Variants in CARS2 observed in about 807,000 individuals in gnomAD.
CARS2 encodes cysteinyl-tRNA synthetase 2, mitochondrial, also known as probable cysteine--tRNA ligase, mitochondrial.
A neutral mutation model predicts 68.8 loss-of-function variants in CARS2; 52 were observed. The ratio of observed to expected loss-of-function variants is 0.76; its 90% CI spans 0.61 to 0.95. CARS2 has a LOEUF of 0.95. Ranked by LOEUF, CARS2 falls within the 40% of genes least tolerant of loss-of-function variation. The pLI, the probability that CARS2 is intolerant of heterozygous loss-of-function variation, is 0.00. For synonymous variants in CARS2, 314 were observed against 303.6 expected (o/e 1.03, Z -0.36); for missense variants, 780 against 754.2 (o/e 1.03, Z -0.40).
rs546852994 is a variant in CARS2 at position 110,653,588 on chromosome 13, C to T, written c.988-2488G>A. Among the ~76,000 whole-genome samples the T allele has an allele frequency of 3.6e-4, 55 of 152,306 alleles. 1 individual carries two copies. In the Middle Eastern group the frequency reaches 0.024, roughly 66 times the overall value. ...AGGGGTTTTCCTCTCAGAATGTAAA[C>T]GCATGCAGAATTAGCCTCAATGTGT... On this transcript the variant is annotated intron_variant, in intron 9 of 14. Transcript: ENST00000257347. The surrounding 1 kb of genome is among the most constrained non-coding windows in gnomAD (Gnocchi z 5.6).
chr13:110,648,202 T>C (rs918578028), intron 10 of CARS2: 1 of 152,182 alleles, frequency 6.6e-6, no homozygotes, highest in Non-Finnish European at 1.5e-5. Flanking sequence ...TTGCTTTGAA[T>C]AGCTTGATAG....
intron 8 of CARS2, chr13:110,664,902 G>A (rs944486872): frequency 2.9e-6 from 2 of 700,554 alleles, no homozygotes; most frequent in African/African-American, 3.9e-5. Flanking sequence ...GCTGACGCAG[G>A]ACTCCCAGCC....
upstream of CARS2, among the ~76,000 whole-genome samples, chr13:110,710,214 T>C (rs2064015603): frequency 6.6e-6 from 1 of 152,174 alleles, no homozygotes; most frequent in Non-Finnish European, 1.5e-5. Context: ...AAACTCCGTC[T>C]CTACTAAAAA....
At chr13:110,642,748 T>C (rs1443682416) in intron 13 of CARS2, 2 of 749,230 alleles carry the variant, frequency 2.7e-6, no homozygotes, top group East Asian at 2.5e-5. Context: ...CAAGCAAGGC[T>C]GAGTGATCCT....
At chr13:110,706,798 AC>A (rs2063970390), upstream of CARS2, among the ~76,000 whole-genome samples, 1 of 146,312 alleles carries the variant, frequency 6.8e-6, no homozygotes, top group African/African-American at 2.6e-5. Flanking sequence ...TACAGTGTGC[AC>A]CCCAATACAG....
In CARS2 at chr13:110,670,224, G is replaced by T. The variant is rs543282652; in HGVS notation, c.786-2751C>A. Among the ~76,000 whole-genome samples the T allele has an allele frequency of 3.3e-5, 5 of 152,162 alleles. No individual in the cohort carries two copies. Among genetic ancestry groups the T allele is most frequent in the African/African-American group, 1.2e-4 (5 of 41,444 alleles). ...TGAAGAGTAGTGGTTCTCCCAGCAC[G>T]GAGTTTGAGATCTGAGAACGGACAG... On this transcript the variant is annotated intron_variant, in intron 7 of 14. Coordinates refer to ENST00000257347, the MANE Select transcript of CARS2 (RefSeq NM_024537.4). This position sits in a 1 kb window ranked among gnomAD's most constrained non-coding sequence, Gnocchi z 4.1.
rs1234661703 is a variant in CARS2, at chr13:110,676,555, C to T, written c.785+419G>A. Among the ~76,000 whole-genome samples the T allele has an allele frequency of 6.6e-6, 1 of 152,066 alleles. No individual in the cohort carries two copies. The highest frequency in any genetic ancestry group is 2.4e-5 in the African/African-American group (1 of 41,410). On this transcript the variant is annotated intron_variant, in intron 7 of 14. Coordinates refer to ENST00000257347, the MANE Select transcript of CARS2 (RefSeq NM_024537.4). This position sits in a 1 kb window ranked among gnomAD's most constrained non-coding sequence, Gnocchi z 4.0. ...TGGGAGGAGCTGGAGATTTCCGCCA[C>T]AGAGCACCCTGGCATGCGAGTTGCC...
upstream of CARS2, among the ~76,000 whole-genome samples, chr13:110,707,030 CA>C (rs1222869480): frequency 6.6e-6 from 1 of 151,506 alleles, no homozygotes; most frequent in Admixed American, 6.6e-5. Context: ...CACCCCAGTA[CA>C]GTGTACACCC....
At chr13:110,689,803 C>A (rs919523096) in intron 3 of CARS2, among the ~76,000 whole-genome samples, 1 of 152,160 alleles carries the variant, frequency 6.6e-6, no homozygotes, top group Admixed American at 6.5e-5. Context: ...CAGACCTTTA[C>A]AACAATAAAT....
intron 10 of CARS2, among the ~76,000 whole-genome samples, chr13:110,650,031 G>T (rs1217238389): frequency 6.6e-6 from 1 of 150,418 alleles, no homozygotes; most frequent in African/African-American, 2.5e-5. Flanking sequence ...CCGCCTCCTG[G>T]GTTGAAGTGA....
intron 3 of CARS2, among the ~76,000 whole-genome samples, chr13:110,693,428 C>T (rs562627131): frequency 5.5e-4 from 83 of 152,138 alleles, no homozygotes; most frequent in African/African-American, 1.9e-3. Flanking sequence ...GGCGCAATCT[C>T]GGCTCACTGT....
chr13:110,667,281 G>C, intron 8 of CARS2, 59 bp downstream of exon 8: 1 of 1,479,344 alleles, frequency 6.8e-7, no homozygotes, highest in South Asian at 1.3e-5. Context: ...CTGTTCCGCC[G>C]ACAAAGACAG....
At chr13:110,687,584 C>T (rs368569577) in intron 5 of CARS2, 137 bp downstream of exon 5, 15 of 590,914 alleles carry the variant, frequency 2.5e-5, no homozygotes, top group African/African-American at 2.1e-4. Flanking sequence ...GAGGCTGAGA[C>T]GGGAGAATCG....
chr13:110,643,886 T>TTCCTTCTCCAC (rs1404379639), intron 13 of CARS2: 2 of 269,704 alleles, frequency 7.4e-6, no homozygotes, highest in Non-Finnish European at 1.5e-5. Flanking sequence ...AGAGAAGGAA[T>TTCCTTCTCCAC]GTGGAGAAGC....
intron 9 of CARS2, among the ~76,000 whole-genome samples, chr13:110,654,020 G>C (rs755227451): frequency 5.3e-5 from 8 of 152,196 alleles, no homozygotes; most frequent in Non-Finnish European, 1.2e-4. Context: ...ATCTCCCAGA[G>C]CCCAGGCCGG....
intron 7 of CARS2, among the ~76,000 whole-genome samples, chr13:110,669,142 A>C (rs1408781764): frequency 6.6e-6 from 1 of 152,140 alleles, no homozygotes; most frequent in East Asian, 1.9e-4. Flanking sequence ...GAGCCGCATA[A>C]CCACAGTGCA....
At position 110,642,481 on chromosome 13, in the gene CARS2, A is replaced by G; in HGVS notation, c.1457T>C (p.Val486Ala). ...GDGSEATLHGVVDELVRFRQK... is the reference protein window; with the variant it reads ...GDGSEATLHGAVDELVRFRQK... Reference sequence around the variant, plus strand: ...CCGGAACCGCACCAGCTCGTCCACCACACCATGCAAGGTAGCCTCGCTGCC... The same window carrying G: ...CCGGAACCGCACCAGCTCGTCCACCGCACCATGCAAGGTAGCCTCGCTGCC... The change falls in exon 14 of 15, where the codon GTG (valine) becomes GCG (alanine). Residue 486 changes from valine to alanine, a missense_variant. Transcript: ENST00000257347. 1 of 1,610,428 alleles carries G rather than the reference A, an allele frequency of 6.2e-7. No individual in the cohort carries two copies. Among genetic ancestry groups the G allele is most frequent in the Non-Finnish European group, 8.5e-7 (1 of 1,178,866 alleles).
chr13:110,697,898 GA>G (rs2063669872), intron 3 of CARS2: 1 of 450,164 alleles, frequency 2.2e-6, no homozygotes. Context: ...CAAATCAATA[GA>G]AAATAGGAAG....
chr13:110,711,775 T>C (rs2064030506), intron 1 of CARS2, among the ~76,000 whole-genome samples: 1 of 152,150 alleles, frequency 6.6e-6, no homozygotes, highest in Non-Finnish European at 1.5e-5. Flanking sequence ...ACGTGAACAA[T>C]CCGATTCCAA....
Sources: allele counts gnomAD v4.1 joint callset (sites outside exome capture counted in the v4.1 genomes callset), GRCh38; gene constraint gnomAD v4.1.1; non-coding constraint Gnocchi (gnomAD v3.1); transcripts MANE v1.5; gene names NCBI Gene and HGNC (gene_info 2026-07-23, HGNC 2026-07-21).